Variants in HS6ST3 observed in about 807,000 individuals in gnomAD.
HS6ST3 encodes the protein heparan sulfate 6-O-sulfotransferase 3.
A neutral mutation model predicts 36.7 loss-of-function variants in HS6ST3; 12 were observed. The ratio of observed to expected loss-of-function variants is 0.33; its 90% confidence interval spans 0.21 to 0.53. HS6ST3 has a LOEUF of 0.53. Ranked by LOEUF, HS6ST3 falls within the 20% of genes least tolerant of loss-of-function variation. The pLI, the probability that HS6ST3 is intolerant of heterozygous loss-of-function variation, is 0.95. For missense variants in HS6ST3, 584 were observed against 640.9 expected (o/e 0.91, Z 0.96); for synonymous variants, 240 against 257.5 (o/e 0.93, Z 0.65).
At chr13:96,590,261 A>G (rs1044545222) in intron 1 of HS6ST3, among the ~76,000 whole-genome samples, 2 of 152,188 alleles carry the variant, frequency 1.3e-5, no homozygotes, top group African/African-American at 4.8e-5. Context: ...AGGAACCTCC[A>G]AACTGTTTTC....
chr13:96,606,161 G>A (rs565039740), intron 1 of HS6ST3, among the ~76,000 whole-genome samples: 1 of 152,250 alleles, frequency 6.6e-6, no homozygotes, highest in South Asian at 2.1e-4. Flanking sequence ...AAGCAGTTTG[G>A]AGATTTCTTA....
intron 1 of HS6ST3, among the ~76,000 whole-genome samples, chr13:96,312,970 A>AAAAG (rs1298518992): frequency 6.7e-6 from 1 of 149,978 alleles, no homozygotes; most frequent in African/African-American, 2.4e-5. Context: ...AAAAAAAAAA[A>AAAAG]AAAAGTGAAA....
intron 1 of HS6ST3, among the ~76,000 whole-genome samples, chr13:96,443,203 A>T (rs551395282): frequency 6.6e-6 from 1 of 152,212 alleles, no homozygotes; most frequent in African/African-American, 2.4e-5. Context: ...TTGTAAAAAA[A>T]TTTTACATTT....
At chr13:96,436,527 G>C (rs1048405225) in intron 1 of HS6ST3, among the ~76,000 whole-genome samples, 24 of 152,212 alleles carry the variant, frequency 1.6e-4, no homozygotes, top group African/African-American at 5.5e-4. Flanking sequence ...CTAACCCCCA[G>C]TACCTCAAAA....
intron 1 of HS6ST3, among the ~76,000 whole-genome samples, chr13:96,650,035 C>G (rs549180182): frequency 6.6e-6 from 1 of 152,026 alleles, no homozygotes; most frequent in Admixed American, 6.6e-5. Context: ...CTAATTCCCC[C>G]ACTTCTGTCA....
chr13:96,799,524 C>T (rs956714472), intron 1 of HS6ST3, among the ~76,000 whole-genome samples: 43 of 151,392 alleles, frequency 2.8e-4, no homozygotes, highest in African/African-American at 9.5e-4. Flanking sequence ...AGTAAACTAT[C>T]GCAAGAACAA....
chr13:96,743,012 AC>A (rs1395499840), intron 1 of HS6ST3, among the ~76,000 whole-genome samples: 4 of 151,972 alleles, frequency 2.6e-5, no homozygotes, highest in African/African-American at 9.7e-5. Flanking sequence ...GTCCACTCTA[AC>A]CTTTTTCCTG....
At chr13:96,270,575 A>G (rs1395780847) in intron 1 of HS6ST3, among the ~76,000 whole-genome samples, 1 of 151,682 alleles carries the variant, frequency 6.6e-6, no homozygotes, top group African/African-American at 2.4e-5. Flanking sequence ...TAGTGTTATG[A>G]GGATTCATTC....
chr13:96,367,440 T>G (rs1019184174), intron 1 of HS6ST3, among the ~76,000 whole-genome samples: 13 of 152,220 alleles, frequency 8.5e-5, no homozygotes, highest in Non-Finnish European at 1.8e-4. Context: ...CTGTAATTAG[T>G]GTGTTTTAAG....
At position 96,574,306 on chromosome 13, in the gene HS6ST3, C is replaced by T. The variant is rs144097363; in HGVS notation, c.708-258184C>T. The T allele has an allele frequency of 6.7e-4, 255 of 379,714 alleles. 1 individual carries two copies. The highest frequency in any genetic ancestry group is 4.5e-3 in the African/African-American group (216 of 47,496). 23.5% of individuals were successfully genotyped at this position (379,714 alleles called of 1,614,324 possible). A position where few individuals can be genotyped will look rare whatever the true frequency, so the allele number is the denominator to read the frequency against. ...TTAAGGAAAAAGGCATCAAACGTAC[C>T]GCCTCATTTTCACCTGAGTCCTTGC... On this transcript the variant is annotated intron_variant, in intron 1 of 1. Transcript: ENST00000376705.
chr13:96,601,726 T>C (rs1191759214), intron 1 of HS6ST3, among the ~76,000 whole-genome samples: 3 of 152,208 alleles, frequency 2.0e-5, no homozygotes, highest in Non-Finnish European at 4.4e-5. Flanking sequence ...TTACTTCTCA[T>C]TTTGGTAGAC....
At chr13:96,545,105 C>T (rs2056192882) in intron 1 of HS6ST3, among the ~76,000 whole-genome samples, 2 of 152,260 alleles carry the variant, frequency 1.3e-5, no homozygotes, top group South Asian at 4.1e-4. Flanking sequence ...CTAAGTCTTG[C>T]TGGCATTATT....
At position 96,357,531 on chromosome 13, in the gene HS6ST3, A is replaced by G. The variant is rs551578899; in HGVS notation, c.707+265962A>G. ...GAGAAAGCTAGTCAGTGGAGCAGTC[A>G]GAACACACACATTTCCTGATTAAGT... is the stretch of plus-strand genomic sequence containing the variant. On this transcript the variant is annotated intron_variant, in intron 1 of 1. Coordinates refer to ENST00000376705, the MANE Select transcript of HS6ST3 (RefSeq NM_153456.4). 3.9e-5 allele frequency among the ~76,000 whole-genome samples: 6 copies of G among 152,254 alleles called. No homozygotes were observed. In the East Asian group the frequency reaches 9.7e-4, roughly 24 times the overall value.
At chr13:96,775,103 A>G (rs1877354897) in intron 1 of HS6ST3, among the ~76,000 whole-genome samples, 1 of 152,188 alleles carries the variant, frequency 6.6e-6, no homozygotes, top group South Asian at 2.1e-4. Flanking sequence ...GCGAAGGAGA[A>G]ATAAAATCCT....
At chr13:96,186,406 G>A (rs1464661916) in intron 1 of HS6ST3, among the ~76,000 whole-genome samples, 2 of 152,134 alleles carry the variant, frequency 1.3e-5, no homozygotes, top group African/African-American at 4.8e-5. Flanking sequence ...TCTTTAATCT[G>A]CCACTGGTAT....
At chr13:96,140,628 A>G (rs898702670) in intron 1 of HS6ST3, among the ~76,000 whole-genome samples, 1 of 152,246 alleles carries the variant, frequency 6.6e-6, no homozygotes, top group African/African-American at 2.4e-5. Context: ...CTATTTCAAA[A>G]TAAATGAATT....
rs190027023 is a variant in HS6ST3, at chr13:96,736,537, A to G, written c.708-95953A>G. On this transcript the variant is annotated intron_variant, in intron 1 of 1. Coordinates refer to ENST00000376705, the MANE Select transcript of HS6ST3 (RefSeq NM_153456.4). ...ATTTATTATAGTCATCAATACACCC[A>G]ATGTACCAAACATAACTAAGTGTAT... Among the ~76,000 whole-genome samples the G allele has an allele frequency of 2.4e-4, 37 of 152,336 alleles. No homozygotes were observed. In the East Asian group the frequency reaches 6.8e-3, roughly 28 times the overall value.
intron 1 of HS6ST3, among the ~76,000 whole-genome samples, chr13:96,739,069 T>C (rs1876364408): frequency 6.6e-6 from 1 of 152,082 alleles, no homozygotes; most frequent in African/African-American, 2.4e-5. Flanking sequence ...TTCCTTTGGC[T>C]TTCAGGACAC....
At chr13:96,143,005 A>C (rs952047351) in intron 1 of HS6ST3, among the ~76,000 whole-genome samples, 1 of 152,118 alleles carries the variant, frequency 6.6e-6, no homozygotes, top group African/African-American at 2.4e-5. Context: ...TACCTCCCCC[A>C]AACCTTCCTC....
Sources: gnomAD v4.1 joint callset for allele counts (sites outside exome capture counted in the v4.1 genomes callset) on GRCh38, gnomAD v4.1.1 for gene constraint, MANE v1.5 for transcripts, NCBI Gene and HGNC (gene_info 2026-07-23, HGNC 2026-07-21) for gene names.